Variants in ADGRE3 observed in about 807,000 individuals in gnomAD.
ADGRE3 encodes EGF-like module receptor 3.
Under a neutral mutation model 80.1 loss-of-function variants are expected in ADGRE3, and 88 were observed. The ratio of observed to expected loss-of-function variants is 1.10; its 90% CI spans 0.93 to 1.31. The LOEUF is 1.31. Ranked by LOEUF, ADGRE3 falls within the 40% of genes most tolerant of loss-of-function variation. The pLI is 0.00. For missense variants in ADGRE3, 715 were observed against 776.5 expected (o/e 0.92, Z 0.94); for synonymous variants, 281 against 294.8 (o/e 0.95, Z 0.48).
chr19:14,632,958 A>G lies in ADGRE3; in HGVS notation c.1606T>C (p.Ser536Pro). 6.2e-7 allele frequency: 1 copy of G among 1,613,902 alleles called. No homozygotes were observed. Among genetic ancestry groups the G allele is most frequent in the Non-Finnish European group, 8.5e-7 (1 of 1,179,812 alleles). The change falls in exon 13 of 16, where the codon TCC (serine) becomes CCC (proline). Residue 536 changes from serine (S) to proline (P), a missense_variant. Ser to Pro is a moderately conservative substitution (Grantham distance 74). Transcript: ENST00000253673. ...ATGGTTGACACTTCACTATTGAGGGAGGAAAGTTTTCTTTTCAAAATCCAA... is the reference window on the plus strand; with the variant it reads ...ATGGTTGACACTTCACTATTGAGGGGGGAAAGTTTTCTTTTCAAAATCCAA... ...VFWILKRKLSSLNSEVSTIQN... is the reference protein window; with the variant it reads ...VFWILKRKLSPLNSEVSTIQN...
chr19:14,666,376 CTATTTTTT>C (rs1972106963), intron 2 of ADGRE3, among the ~76,000 whole-genome samples: 1 of 85,596 alleles, frequency 1.2e-5, no homozygotes, highest in Non-Finnish European at 2.0e-5. Flanking sequence ...GTTTCTTGGC[CTATTTTTT>C]TTTTTTTTTA....
chr19:14,624,037 G>T lies in ADGRE3; in HGVS notation c.1920+1455C>A, dbSNP rs550649376. ...TGGTGTCAAACTCCTGGGCTCAAGC[G>T]ATCCTCCCATCTTAGCCTCCCGAGT... On this transcript the variant is annotated intron_variant, in intron 15 of 15. Transcript: ENST00000253673. Among the ~76,000 whole-genome samples, 73 of 151,372 alleles carry T rather than the reference G, an allele frequency of 4.8e-4. 1 individual carries two copies. Among genetic ancestry groups the T allele is most frequent in the African/African-American group, 1.7e-3 (71 of 41,232 alleles).
intron 7 of ADGRE3, among the ~76,000 whole-genome samples, chr19:14,650,861 C>A (rs377069597): frequency 6.6e-6 from 1 of 152,136 alleles, no homozygotes; most frequent in East Asian, 1.9e-4. Flanking sequence ...GGCAGAACAG[C>A]ACTCCCCCAC....
At chr19:14,625,428 G>A (rs1340471727) in intron 15 of ADGRE3, 64 bp downstream of exon 15, 2 of 1,056,162 alleles carry the variant, frequency 1.9e-6, no homozygotes, top group Non-Finnish European at 2.9e-6. Context: ...CCAAACTAGA[G>A]GAAGTTTGCA....
At chr19:14,647,615 A>C (rs1008068890) in intron 7 of ADGRE3, among the ~76,000 whole-genome samples, 2 of 150,620 alleles carry the variant, frequency 1.3e-5, no homozygotes, top group African/African-American at 4.9e-5. Flanking sequence ...ATAGGGTTTC[A>C]CTATGTTGGC....
intron 11 of ADGRE3, among the ~76,000 whole-genome samples, 159 bp from the exon 12 acceptor site, chr19:14,633,461 C>G (rs1970940644): frequency 6.6e-6 from 1 of 152,072 alleles, no homozygotes; most frequent in African/African-American, 2.4e-5. Flanking sequence ...AATCCCAGCA[C>G]TTTGGGAGGC....
In ADGRE3 at chr19:14,665,943, T is replaced by TATGC. The variant is rs1338799775; in HGVS notation, c.77-2404_77-2403insGCAT. Among the ~76,000 whole-genome samples, 71 of 97,372 alleles carry TATGC rather than the reference T, an allele frequency of 7.3e-4. 5 individuals are homozygous for TATGC. The highest frequency in any genetic ancestry group is 2.7e-3 in the African/African-American group (68 of 25,070). 63.9% of individuals were successfully genotyped at this position (97,372 alleles called of 152,430 possible). On this transcript the variant is annotated intron_variant, in intron 2 of 15. Coordinates refer to ENST00000253673, the MANE Select transcript of ADGRE3 (RefSeq NM_032571.5). ...GCATATACACACATATGTGTATATA[T>TATGC]ATATATATATATATATATATATATA...
the ADGRE3 span, among the ~76,000 whole-genome samples, chr19:14,607,361 G>A: frequency 4.6e-5 from 6 of 131,210 alleles, no homozygotes; most frequent in South Asian, 4.6e-4. Flanking sequence ...CCATCACCAT[G>A]CCCGGCTAAT....
At chr19:14,618,723 G>T (rs2075097717), downstream of ADGRE3, among the ~76,000 whole-genome samples, 2 of 151,402 alleles carry the variant, frequency 1.3e-5, no homozygotes, top group South Asian at 4.2e-4. Context: ...GGACATGGTG[G>T]TCCATACCTG....
chr19:14,650,996 A>T, intron 7 of ADGRE3, 89 bp downstream of exon 7: 1 of 1,374,470 alleles, frequency 7.3e-7, no homozygotes, highest in Non-Finnish European at 1.0e-6. Flanking sequence ...AAAGCCCATG[A>T]GGGGAGAGCC....
chr19:14,665,741 C>T (rs1034865763), intron 2 of ADGRE3, among the ~76,000 whole-genome samples: 2 of 151,480 alleles, frequency 1.3e-5, no homozygotes, highest in Non-Finnish European at 2.9e-5. Flanking sequence ...GATCCACCTG[C>T]CCTGGCCTCC....
chr19:14,624,042 T>G (rs1243054530), intron 15 of ADGRE3, among the ~76,000 whole-genome samples: 6 of 150,542 alleles, frequency 4.0e-5, no homozygotes, highest in Non-Finnish European at 8.9e-5. Context: ...CAAGCGATCC[T>G]CCCATCTTAG....
intron 8 of ADGRE3, among the ~76,000 whole-genome samples, chr19:14,646,659 TCCTCCCTCCCTCCCTC>T (rs546627316): frequency 2.1e-4 from 18 of 85,362 alleles, no homozygotes; most frequent in South Asian, 9.9e-4. Context: ...CTCTCTCTCT[TCCTCCCTCCCTCCCTC>T]CCTCCCTCCC....
chr19:14,607,869 C>T, the ADGRE3 span, among the ~76,000 whole-genome samples: 1 of 151,600 alleles, frequency 6.6e-6, no homozygotes. Flanking sequence ...AGCCACTGCG[C>T]CCAACCTTAT....
chr19:14,626,315 TA>T (rs1229970751), intron 14 of ADGRE3, among the ~76,000 whole-genome samples: 1 of 151,964 alleles, frequency 6.6e-6, no homozygotes, highest in Non-Finnish European at 1.5e-5. Flanking sequence ...CTCATGACTG[TA>T]ATCCCAGCTA....
chr19:14,652,101 C>A (rs1971621914), intron 6 of ADGRE3, among the ~76,000 whole-genome samples: 1 of 151,688 alleles, frequency 6.6e-6, no homozygotes, highest in Non-Finnish European at 1.5e-5. Flanking sequence ...TGGTGGGGAA[C>A]CAGGGCTTCA....
At chr19:14,658,347 T>C (rs1971833936) in intron 5 of ADGRE3, 166 bp downstream of exon 5, 2 of 292,316 alleles carry the variant, frequency 6.8e-6, no homozygotes, top group African/African-American at 4.5e-5. Context: ...TAATATATTA[T>C]GTATTTATAT....
In ADGRE3 at chr19:14,654,987, C is replaced by A. The variant is rs1315005249; in HGVS notation, c.572G>T (p.Ser191Ile). The A allele has an allele frequency of 1.2e-6, 2 of 1,613,724 alleles. No individual in the cohort carries two copies. The highest frequency in any genetic ancestry group is 1.3e-5 in the African/African-American group (1 of 75,004). Reference protein sequence around the residue: ...EQKVLKIQNDSVAIETQAITD... With the variant: ...EQKVLKIQNDIVAIETQAITD... ...AGTCCTCATTATTGTCTTACCTACACTATCGTTTTGGATTTTCAGGACTTT... is the reference window on the plus strand; with the variant it reads ...AGTCCTCATTATTGTCTTACCTACAATATCGTTTTGGATTTTCAGGACTTT... The change falls in exon 6 of 16, where the codon AGT becomes ATT. Residue 191 changes from serine (S) to isoleucine (I), a missense_variant. Ser to Ile is a moderately radical substitution (Grantham distance 142). Transcript: ENST00000253673.
At chr19:14,639,588 GT>G (rs368659808) in intron 10 of ADGRE3, among the ~76,000 whole-genome samples, 1 of 151,126 alleles carries the variant, frequency 6.6e-6, no homozygotes, top group East Asian at 1.9e-4. Context: ...TATTTTTTTT[GT>G]TTTTTTTGTA....
Sources: allele counts gnomAD v4.1 joint callset (sites outside exome capture counted in the v4.1 genomes callset), GRCh38; gene constraint gnomAD v4.1.1; transcripts MANE v1.5; gene names NCBI Gene and HGNC (gene_info 2026-07-23, HGNC 2026-07-21).